The following CLSTN2 variants were observed in gnomAD, a reference collection of about 807,000 sequenced individuals.
CLSTN2 encodes the protein calsyntenin-2.
Under a neutral mutation model 101.2 loss-of-function variants are expected in CLSTN2, and 48 were observed. The ratio of observed to expected loss-of-function variants is 0.47; its 90% CI spans 0.38 to 0.60. The LOEUF (loss-of-function observed/expected upper bound fraction) is 0.60. Among genes scored for constraint, CLSTN2 ranks in the 20% least tolerant of loss-of-function variants. CLSTN2 has a pLI of 0.00. For missense variants in CLSTN2, 1,160 were observed against 1,238.2 expected (o/e 0.94, Z 0.95); for synonymous variants, 481 against 463.6 (o/e 1.04, Z -0.48).
chr3:140,416,642 C>T (rs2088434299), intron 4 of CLSTN2, among the ~76,000 whole-genome samples: 1 of 152,156 alleles, frequency 6.6e-6, no homozygotes, highest in East Asian at 1.9e-4. Context: ...TGTCTCAGAC[C>T]CTCACCAGTA....
intron 1 of CLSTN2, among the ~76,000 whole-genome samples, chr3:140,146,374 C>G (rs1276630910): frequency 2.0e-5 from 3 of 152,170 alleles, no homozygotes; most frequent in Non-Finnish European, 2.9e-5. Flanking sequence ...AAAAGCTCAG[C>G]AAAGCATTGT....
chr3:140,084,405 A>G (rs1287706681), intron 1 of CLSTN2, among the ~76,000 whole-genome samples: 1 of 152,198 alleles, frequency 6.6e-6, no homozygotes, highest in Non-Finnish European at 1.5e-5. Flanking sequence ...AACCCCCTGT[A>G]TGAGCTCTGG....
At position 140,176,029 on chromosome 3, in the gene CLSTN2, C is replaced by T; in HGVS notation, c.188C>T (p.Pro63Leu). 8 of 1,613,794 alleles carry T rather than the reference C, an allele frequency of 5.0e-6. No individual in the cohort carries two copies. The highest frequency in any genetic ancestry group is 6.8e-6 in the Non-Finnish European group (8 of 1,179,810). ...TENNDTVILDPPLVALDKDAP... is the reference protein window; with the variant it reads ...TENNDTVILDLPLVALDKDAP... ...AACAATGACACAGTCATTTTGGACCCACCACTGGTAGCCCTGGATAAAGAT... is the reference window on the plus strand; with the variant it reads ...AACAATGACACAGTCATTTTGGACCTACCACTGGTAGCCCTGGATAAAGAT... Residue 63 changes from proline to leucine, a missense_variant, in exon 2 of 17, where the codon CCA becomes CTA. Physicochemically the swap from Pro to Leu is moderately conservative, Grantham distance 98 (BLOSUM62 -3). Coordinates refer to ENST00000458420, the MANE Select transcript of CLSTN2 (RefSeq NM_022131.3).
intron 1 of CLSTN2, among the ~76,000 whole-genome samples, chr3:139,938,836 C>A (rs1190987535): frequency 6.6e-6 from 1 of 152,170 alleles, no homozygotes; most frequent in African/African-American, 2.4e-5. Flanking sequence ...TATAGACCAT[C>A]AATTGTTGTA....
intron 5 of CLSTN2, among the ~76,000 whole-genome samples, chr3:140,421,543 T>C (rs769039389): frequency 3.9e-5 from 5 of 129,040 alleles, no homozygotes; most frequent in Admixed American, 7.4e-5. Flanking sequence ...CTTCGATCAA[T>C]AGTAATTATC....
intron 2 of CLSTN2, among the ~76,000 whole-genome samples, chr3:140,335,027 A>AT (rs1156578558): frequency 2.0e-5 from 3 of 152,184 alleles, no homozygotes; most frequent in Non-Finnish European, 4.4e-5. Flanking sequence ...GGAATGGCAA[A>AT]GGGGGGCTTT....
chr3:139,944,035 T>C (rs1213439083), intron 1 of CLSTN2, among the ~76,000 whole-genome samples: 1 of 152,216 alleles, frequency 6.6e-6, no homozygotes, highest in Non-Finnish European at 1.5e-5. Flanking sequence ...GTGAACTTTC[T>C]AGAAATTTCC....
chr3:140,249,151 T>C (rs2086541006), intron 2 of CLSTN2, among the ~76,000 whole-genome samples: 1 of 152,114 alleles, frequency 6.6e-6, no homozygotes, highest in African/African-American at 2.4e-5. Flanking sequence ...GCCAGCTTGG[T>C]ACAAGTCAGG....
intron 8 of CLSTN2, among the ~76,000 whole-genome samples, chr3:140,494,839 A>G (rs1466794522): frequency 6.6e-6 from 1 of 152,148 alleles, no homozygotes; most frequent in African/African-American, 2.4e-5. Context: ...TATATGTACC[A>G]CATTTTGTTT....
At chr3:140,306,943 A>C (rs1307821254) in intron 2 of CLSTN2, among the ~76,000 whole-genome samples, 1 of 151,460 alleles carries the variant, frequency 6.6e-6, no homozygotes, top group African/African-American at 2.4e-5. Context: ...TCCCCACCCA[A>C]ATCTCATCTT....
At chr3:140,157,141 A>G (rs1203379340) in intron 1 of CLSTN2, among the ~76,000 whole-genome samples, 2 of 152,102 alleles carry the variant, frequency 1.3e-5, no homozygotes. Flanking sequence ...TTAAAGAAAA[A>G]GATTGCTAGC....
At chr3:139,983,866 T>A in intron 1 of CLSTN2, among the ~76,000 whole-genome samples, 2 of 152,202 alleles carry the variant, frequency 1.3e-5, no homozygotes, top group East Asian at 3.8e-4. Flanking sequence ...ATATTTGTAA[T>A]AATATGAAAT....
intron 2 of CLSTN2, among the ~76,000 whole-genome samples, chr3:140,220,844 C>A (rs894130543): frequency 6.6e-6 from 1 of 152,142 alleles, no homozygotes; most frequent in African/African-American, 2.4e-5. Context: ...TCATAGATGC[C>A]TCTATGTGCC....
chr3:140,155,019 A>G (rs2009932453), intron 1 of CLSTN2, among the ~76,000 whole-genome samples: 2 of 152,166 alleles, frequency 1.3e-5, no homozygotes, highest in African/African-American at 4.8e-5. Flanking sequence ...CTCCCTTGAC[A>G]TGTGGGGATT....
intron 2 of CLSTN2, among the ~76,000 whole-genome samples, chr3:140,390,505 G>A (rs561735349): frequency 2.0e-5 from 3 of 152,120 alleles, no homozygotes; most frequent in Non-Finnish European, 4.4e-5. Flanking sequence ...ATTGAGACTT[G>A]TTTTATGTCC....
intron 2 of CLSTN2, among the ~76,000 whole-genome samples, chr3:140,280,608 C>T (rs2086836601): frequency 6.6e-6 from 1 of 152,154 alleles, no homozygotes; most frequent in South Asian, 2.1e-4. Flanking sequence ...AATGAACTCT[C>T]CCTTGAAGCT....
intron 1 of CLSTN2, among the ~76,000 whole-genome samples, chr3:140,150,952 A>T (rs1221838172): frequency 6.6e-6 from 1 of 151,610 alleles, no homozygotes; most frequent in Non-Finnish European, 1.5e-5. Context: ...ATCTAATTTT[A>T]TATGGCACCT....
intron 5 of CLSTN2, among the ~76,000 whole-genome samples, chr3:140,447,998 G>A (rs903093350): frequency 6.6e-6 from 1 of 152,128 alleles, no homozygotes; most frequent in Non-Finnish European, 1.5e-5. Context: ...ACCTGCACAT[G>A]TACACCTAAA....
Position 140,255,401 on chromosome 3 carries a change from G to C in CLSTN2, c.232+79328G>C, listed in dbSNP as rs554022687. Among the ~76,000 whole-genome samples the C allele has an allele frequency of 3.9e-5, 6 of 152,254 alleles. No individual in the cohort carries two copies. The East Asian group carries it at 7.7e-4, about 20-fold the overall frequency. Reference sequence around the variant, plus strand: ...ACAGCAAAGACATGGAATCAACCTAGATGCCCATCAACAGTGGACTGGATA... The same window carrying C: ...ACAGCAAAGACATGGAATCAACCTACATGCCCATCAACAGTGGACTGGATA... On this transcript the variant is annotated intron_variant, in intron 2 of 16. Transcript: ENST00000458420.
Sources: allele counts gnomAD v4.1 joint callset (sites outside exome capture counted in the v4.1 genomes callset), GRCh38; gene constraint gnomAD v4.1.1; transcripts MANE v1.5; gene names NCBI Gene and HGNC (gene_info 2026-07-23, HGNC 2026-07-21).